FREM2: variants seen among roughly 807,000 people sequenced by gnomAD.
FREM2 encodes FRAS1 related extracellular matrix 2.
A neutral mutation model predicts 219.9 loss-of-function variants in FREM2; 119 were observed. The ratio of observed to expected loss-of-function variants is 0.54; its 90% CI spans 0.47 to 0.63. The LOEUF (loss-of-function observed/expected upper bound fraction) is 0.63, where lower values mean the gene tolerates loss of function less well. Among genes scored for constraint, FREM2 ranks in the 30% least tolerant of loss-of-function variants. FREM2 has a pLI of 0.00. For missense variants in FREM2, 4,030 were observed against 3,993.6 expected (o/e 1.01, Z -0.25); for synonymous variants, 1,562 against 1,522.8 (o/e 1.03, Z -0.60).
chr13:38,802,976 C>A (rs1430309198), intron 6 of FREM2, among the ~76,000 whole-genome samples: 1 of 152,168 alleles, frequency 6.6e-6, no homozygotes, highest in South Asian at 2.1e-4. Context: ...CCCTCTCCTT[C>A]TTTGCTTTTG....
In FREM2 at chr13:38,691,208, G is replaced by T; in HGVS notation, c.3864G>T (p.Val1288=). 2 of 1,614,014 alleles carry T rather than the reference G, an allele frequency of 1.2e-6. No homozygotes were observed. Among genetic ancestry groups the T allele is most frequent in the Non-Finnish European group, 1.7e-6 (2 of 1,179,946 alleles). ...VIKLTDGKHS[V]EKTVLIIVIP... is the part of the protein sequence containing the mutation. ...AACTAACAGATGGGAAGCACTCTGT[G>T]GAAAAGACGGTCCTCATTATAGTTA... is the stretch of plus-strand genomic sequence containing the variant. The change falls in exon 1 of 24, where the codon GTG becomes GTT. Residue 1288 remains valine (V), a synonymous_variant. Transcript: ENST00000280481.
At chr13:38,704,899 G>C (rs1870478377) in intron 2 of FREM2, among the ~76,000 whole-genome samples, 1 of 152,178 alleles carries the variant, frequency 6.6e-6, no homozygotes, top group African/African-American at 2.4e-5. Flanking sequence ...TAAACCATCA[G>C]ATCTCATGAG....
At chr13:38,818,710 C>A (rs1312425904) in intron 6 of FREM2, among the ~76,000 whole-genome samples, 2 of 151,970 alleles carry the variant, frequency 1.3e-5, no homozygotes, top group Non-Finnish European at 2.9e-5. Flanking sequence ...TGCCTGTAAT[C>A]CCAGCACTTT....
Position 38,857,979 on chromosome 13 carries a change from C to T in FREM2, c.7161C>T (p.Ser2387=). 1 of 1,613,922 alleles carries T rather than the reference C, an allele frequency of 6.2e-7. No homozygotes were observed. Among genetic ancestry groups the T allele is most frequent in the Non-Finnish European group, 8.5e-7 (1 of 1,179,868 alleles). ...CCCTGTTGATGTATGACGACACTTC[C>T]AAAGCTAAGGAGAGTGCTGAACCCA... ...IVSLLMYDDT[S]KAKESAEPMS... The change falls in exon 13 of 24, where the codon TCC becomes TCT. Residue 2387 remains serine, a synonymous_variant. Transcript: ENST00000280481.
chr13:38,762,254 G>A (rs1456461700), intron 2 of FREM2, among the ~76,000 whole-genome samples: 5 of 152,156 alleles, frequency 3.3e-5, no homozygotes, highest in Non-Finnish European at 5.9e-5. Context: ...ACAGCAGCTA[G>A]AAGTGATGTG....
intron 6 of FREM2, among the ~76,000 whole-genome samples, chr13:38,831,874 C>T (rs1876525511): frequency 1.3e-5 from 2 of 151,698 alleles, no homozygotes; most frequent in South Asian, 4.2e-4. Context: ...CCTGCCTTGG[C>T]CTACCGGAGT....
At chr13:38,701,987 G>T (rs999906151) in intron 2 of FREM2, among the ~76,000 whole-genome samples, 70 of 151,820 alleles carry the variant, frequency 4.6e-4, no homozygotes, top group African/African-American at 1.5e-3. Flanking sequence ...ATAAATGAAT[G>T]GATAAACAGG....
intron 20 of FREM2, among the ~76,000 whole-genome samples, chr13:38,876,614 T>C (rs1210325775): frequency 1.3e-5 from 2 of 152,206 alleles, no homozygotes; most frequent in South Asian, 2.1e-4. Context: ...GCAATGGTTA[T>C]TTTTTTCTTA....
chr13:38,740,549 C>T (rs1872202279), intron 2 of FREM2, among the ~76,000 whole-genome samples: 1 of 152,092 alleles, frequency 6.6e-6, no homozygotes, highest in South Asian at 2.1e-4. Context: ...ACAAAAGAGA[C>T]AAAGGAAATT....
intron 3 of FREM2, among the ~76,000 whole-genome samples, chr13:38,767,873 A>G (rs1873502814): frequency 6.6e-6 from 1 of 152,224 alleles, no homozygotes; most frequent in Admixed American, 6.5e-5. Flanking sequence ...TGCAATATTT[A>G]TGTTAGTTAT....
intron 16 of FREM2, among the ~76,000 whole-genome samples, chr13:38,871,941 A>G (rs531652564): frequency 1.2e-4 from 18 of 152,324 alleles, no homozygotes; most frequent in African/African-American, 3.6e-4. Flanking sequence ...TAAATGTTAT[A>G]TGTTATTAGT....
At chr13:38,732,488 T>C (rs1871806434) in intron 2 of FREM2, among the ~76,000 whole-genome samples, 1 of 152,248 alleles carries the variant, frequency 6.6e-6, no homozygotes, top group African/African-American at 2.4e-5. Flanking sequence ...TTCAAGTGTC[T>C]GTTGAACTCT....
At chr13:38,819,122 G>T (rs1875899988) in intron 6 of FREM2, among the ~76,000 whole-genome samples, 1 of 152,126 alleles carries the variant, frequency 6.6e-6, no homozygotes, top group Non-Finnish European at 1.5e-5. Context: ...GCTGTAGTGG[G>T]TTTGTTAGCA....
chr13:38,744,022 C>T (rs1007358852), intron 2 of FREM2, among the ~76,000 whole-genome samples: 3 of 151,600 alleles, frequency 2.0e-5, no homozygotes, highest in Non-Finnish European at 4.4e-5. Context: ...AAAAATAAAT[C>T]CCCCGAATTC....
chr13:38,745,073 G>T (rs1872412107), intron 2 of FREM2, among the ~76,000 whole-genome samples: 1 of 152,106 alleles, frequency 6.6e-6, no homozygotes, highest in African/African-American at 2.4e-5. Context: ...TAATTAGGAA[G>T]AATGATCCAA....
intron 4 of FREM2, among the ~76,000 whole-genome samples, chr13:38,778,540 A>C (rs1048709367): frequency 1.3e-5 from 2 of 152,208 alleles, no homozygotes; most frequent in Non-Finnish European, 2.9e-5. Flanking sequence ...TTAGGGCTTC[A>C]ACATATAATA....
intron 1 of FREM2, 64 bp downstream of exon 1, chr13:38,692,581 C>T (rs937362795): frequency 6.4e-7 from 1 of 1,553,016 alleles, no homozygotes; most frequent in African/African-American, 1.4e-5. Flanking sequence ...CACTAAAAGC[C>T]TCACAAACAG....
intron 14 of FREM2, among the ~76,000 whole-genome samples, chr13:38,860,915 GCT>G (rs1353827397): frequency 6.6e-6 from 1 of 152,084 alleles, no homozygotes; most frequent in Non-Finnish European, 1.5e-5. Flanking sequence ...TACATATTTT[GCT>G]CTCTGATTTT....
rs114816156 is a variant in FREM2, at chr13:38,815,607, C to G, written c.6019+30799C>G. Reference sequence around the variant, plus strand: ...GATAACATAGTCCATTTGAGATTACCCGAGGCTGGGTAATTTATAAGGATA... The same window carrying G: ...GATAACATAGTCCATTTGAGATTACGCGAGGCTGGGTAATTTATAAGGATA... On this transcript the variant is annotated intron_variant, in intron 6 of 23. Transcript: ENST00000280481. Among the ~76,000 whole-genome samples the G allele has an allele frequency of 5.3e-3, 812 of 152,108 alleles. 7 individuals are homozygous for G. Among genetic ancestry groups the G allele is most frequent in the African/African-American group, 0.018 (764 of 41,496 alleles).
Sources: gnomAD v4.1 joint callset for allele counts (sites outside exome capture counted in the v4.1 genomes callset) on GRCh38, gnomAD v4.1.1 for gene constraint, MANE v1.5 for transcripts, NCBI Gene and HGNC (gene_info 2026-07-23, HGNC 2026-07-21) for gene names.